PRKCE: variants seen among roughly 807,000 people sequenced by gnomAD.
The protein encoded by PRKCE is protein kinase C epsilon type.
In PRKCE, 16 loss-of-function variants were observed where a neutral mutation model predicts 85.4. That is an observed-to-expected ratio of 0.19 (90% CI 0.13 to 0.28). The LOEUF is 0.28. PRKCE is among the 10% of genes least tolerant of loss of function. The pLI is 1.00. For missense variants in PRKCE, 573 were observed against 975.2 expected (o/e 0.59, Z 5.49); for synonymous variants, 388 against 371.5 (o/e 1.04, Z -0.51).
At chr2:45,900,470 G>A (rs1221239877) in intron 2 of PRKCE, among the ~76,000 whole-genome samples, 1 of 152,300 alleles carries the variant, frequency 6.6e-6, no homozygotes, top group South Asian at 2.1e-4. Flanking sequence ...GCTACGCCAT[G>A]GACAAACTTT....
chr2:46,116,939 C>T (rs1672833116), intron 11 of PRKCE, among the ~76,000 whole-genome samples: 1 of 152,106 alleles, frequency 6.6e-6, no homozygotes, highest in Non-Finnish European at 1.5e-5. Context: ...GTTTCTCTTG[C>T]TATTGTTTGA....
At chr2:46,150,394 GT>G (rs1676501504) in intron 12 of PRKCE, among the ~76,000 whole-genome samples, 1 of 152,208 alleles carries the variant, frequency 6.6e-6, no homozygotes, top group Admixed American at 6.5e-5. Flanking sequence ...GGCAGGCAAA[GT>G]GGGGGATTCT....
rs563929398 is a variant in PRKCE, at chr2:45,656,290, T to A, written c.348+3842T>A. Among the ~76,000 whole-genome samples the A allele has an allele frequency of 2.0e-5, 3 of 152,322 alleles. No individual in the cohort carries two copies. In the East Asian group the frequency reaches 5.8e-4, roughly 29 times the overall value. ...AGGGCTCTACAATACAGAAACAAAG[T>A]TCATTCCAAGTGCCTCTGAACATCA... is the stretch of plus-strand genomic sequence containing the variant. On this transcript the variant is annotated intron_variant, in intron 1 of 14. Coordinates refer to ENST00000306156, the MANE Select transcript of PRKCE (RefSeq NM_005400.3).
chr2:45,683,488 G>A (rs1371244809), intron 1 of PRKCE, among the ~76,000 whole-genome samples: 1 of 152,116 alleles, frequency 6.6e-6, no homozygotes, highest in African/African-American at 2.4e-5. Flanking sequence ...GAGGAGTAAG[G>A]TGCCAAGTAG....
chr2:45,775,064 C>A (rs1685646113), intron 1 of PRKCE, among the ~76,000 whole-genome samples: 1 of 152,192 alleles, frequency 6.6e-6, no homozygotes, highest in Non-Finnish European at 1.5e-5. Context: ...CCAAGGGGGG[C>A]CTTGAGGAAG....
intron 2 of PRKCE, among the ~76,000 whole-genome samples, chr2:45,862,595 C>G (rs907053117): frequency 7.2e-5 from 11 of 152,132 alleles, no homozygotes; most frequent in African/African-American, 2.7e-4. Context: ...TTTCTGTGTC[C>G]CTGGAGCTGG....
intron 6 of PRKCE, among the ~76,000 whole-genome samples, chr2:45,992,122 T>A (rs1190698150): frequency 6.6e-6 from 1 of 152,110 alleles, no homozygotes; most frequent in Non-Finnish European, 1.5e-5. Flanking sequence ...CAGAAATAAG[T>A]GTGAGCAATT....
At chr2:45,719,414 G>C (rs1680422244) in intron 1 of PRKCE, among the ~76,000 whole-genome samples, 1 of 152,202 alleles carries the variant, frequency 6.6e-6, no homozygotes, top group Non-Finnish European at 1.5e-5. Flanking sequence ...ATCAGTGGAG[G>C]CCCACGTGCT....
rs190858478 is a variant in PRKCE, at chr2:45,895,183, C to A, written c.412+52120C>A. 2.0e-5 allele frequency among the ~76,000 whole-genome samples: 3 copies of A among 152,052 alleles called. No homozygotes were observed. Among genetic ancestry groups the A allele is most frequent in the Non-Finnish European group, 4.4e-5 (3 of 67,988 alleles). ...AGAAAGGAAGGAAGTTTTTTTCAGG[C>A]GGAGTGGGTTGGATGAGGCACATGT... On this transcript the variant is annotated intron_variant, in intron 2 of 14. Transcript: ENST00000306156. The surrounding 1 kb of genome is among the most constrained non-coding windows in gnomAD (Gnocchi z 4.8).
In PRKCE at chr2:45,961,708, T is replaced by A. The variant is rs1026418203; in HGVS notation, c.413-14721T>A. Among the ~76,000 whole-genome samples, 30 of 147,416 alleles carry A rather than the reference T, an allele frequency of 2.0e-4. 1 individual carries two copies. The highest frequency in any genetic ancestry group is 3.6e-4 in the Non-Finnish European group (24 of 66,946). ...CATTGCCAGGATTCTTTTTTTTTTT[T>A]CTTTGAGACGGAGTTTCACTTTTGT... On this transcript the variant is annotated intron_variant, in intron 2 of 14. Coordinates refer to ENST00000306156, the MANE Select transcript of PRKCE (RefSeq NM_005400.3).
intron 1 of PRKCE, among the ~76,000 whole-genome samples, chr2:45,798,099 G>A (rs770935545): frequency 6.6e-6 from 1 of 152,102 alleles, no homozygotes; most frequent in Non-Finnish European, 1.5e-5. Flanking sequence ...CTTAATGAGT[G>A]TACTTTCTCC....
intron 1 of PRKCE, among the ~76,000 whole-genome samples, chr2:45,663,466 G>T (rs1011074138): frequency 6.6e-6 from 1 of 152,146 alleles, no homozygotes; most frequent in African/African-American, 2.4e-5. Flanking sequence ...TAAATAGACA[G>T]GGAAAGGAGC....
At chr2:45,739,041 T>C (rs1342162504) in intron 1 of PRKCE, among the ~76,000 whole-genome samples, 1 of 152,230 alleles carries the variant, frequency 6.6e-6, no homozygotes, top group East Asian at 1.9e-4. Context: ...TTGCTGTCAT[T>C]GTCCCTCCAG....
At chr2:45,720,055 T>G (rs1439933210) in intron 1 of PRKCE, among the ~76,000 whole-genome samples, 1 of 152,142 alleles carries the variant, frequency 6.6e-6, no homozygotes, top group Non-Finnish European at 1.5e-5. Flanking sequence ...AGCAGCAGAA[T>G]CTAAAGTCAC....
At chr2:45,749,755 T>C (rs951599736) in intron 1 of PRKCE, among the ~76,000 whole-genome samples, 2 of 152,222 alleles carry the variant, frequency 1.3e-5, no homozygotes, top group African/African-American at 2.4e-5. Context: ...GGAACCAGAA[T>C]TGAACATGAG....
At chr2:45,727,889 G>A (rs1455889592) in intron 1 of PRKCE, among the ~76,000 whole-genome samples, 1 of 152,042 alleles carries the variant, frequency 6.6e-6, no homozygotes, top group East Asian at 1.9e-4. Context: ...TCCTGACCTC[G>A]TGATCTGCCT....
At chr2:45,817,481 C>T (rs1282974224) in intron 1 of PRKCE, among the ~76,000 whole-genome samples, 1 of 152,040 alleles carries the variant, frequency 6.6e-6, no homozygotes, top group African/African-American at 2.4e-5. Flanking sequence ...ATCACGAGGT[C>T]AGGAGATCGA....
rs572965082 is a variant in PRKCE at position 46,086,498 on chromosome 2, A to G, written c.1592+136A>G. The G allele has an allele frequency of 2.6e-5, 28 of 1,078,960 alleles. No individual in the cohort carries two copies. In the East Asian group the frequency reaches 7.3e-4, roughly 28 times the overall value. 66.8% of individuals were successfully genotyped at this position (1,078,960 alleles called of 1,614,324 possible). On this transcript the variant is annotated intron_variant, in intron 11 of 14. Transcript: ENST00000306156. ...ATTAGTTGTTTGTTCCAATTTGCTT[A>G]CAGAAGACTTTTTTGGGGGCTGTTT...
At chr2:45,976,738 A>T in intron 3 of PRKCE, 150 bp downstream of exon 3, 2 of 1,001,866 alleles carry the variant, frequency 2.0e-6, no homozygotes, top group Non-Finnish European at 2.9e-6. Context: ...ATGGAAGGCT[A>T]AGTGTGTGTT....
Sources: gnomAD v4.1 joint callset for allele counts (sites outside exome capture counted in the v4.1 genomes callset) on GRCh38, gnomAD v4.1.1 for gene constraint, Gnocchi (gnomAD v3.1) non-coding constraint, MANE v1.5 for transcripts, NCBI Gene and HGNC (gene_info 2026-07-23, HGNC 2026-07-21) for gene names.